The following PARD3B variants were observed in gnomAD, a reference collection of about 807,000 sequenced individuals.
PARD3B encodes the protein partitioning defective 3 homolog B.
PARD3B carries 103 observed loss-of-function variants against 130.2 expected under a neutral mutation model. The ratio of observed to expected loss-of-function variants is 0.79; its 90% confidence interval spans 0.67 to 0.93. The LOEUF is 0.93. Among genes scored for constraint, PARD3B ranks in the 40% least tolerant of loss-of-function variants. The probability of loss-of-function intolerance (pLI) is 0.00; values close to 1 mark genes in which losing one functional copy is unlikely to be tolerated. For missense variants in PARD3B, 1,609 were observed against 1,499.2 expected (o/e 1.07, Z -1.21); for synonymous variants, 583 against 553.2 (o/e 1.05, Z -0.76).
chr2:205,062,654 A>G, intron 4 of PARD3B, among the ~76,000 whole-genome samples: 1 of 152,322 alleles, frequency 6.6e-6, no homozygotes, highest in Non-Finnish European at 1.5e-5. Context: ...GAAAGAATGC[A>G]TAAAAGAAGT....
chr2:205,104,595 T>C, intron 5 of PARD3B, 81 bp downstream of exon 5: 2 of 981,718 alleles, frequency 2.0e-6, no homozygotes, highest in South Asian at 1.5e-5. Context: ...GTTCTTACTT[T>C]ACAAGAAAGA....
At chr2:205,239,249 G>T (rs2039243236) in intron 15 of PARD3B, among the ~76,000 whole-genome samples, 1 of 151,870 alleles carries the variant, frequency 6.6e-6, no homozygotes, top group Admixed American at 6.6e-5. Context: ...CAGGAGTAAA[G>T]GTGTTCTAGG....
At chr2:205,586,893 G>T (rs16837446) in intron 22 of PARD3B, among the ~76,000 whole-genome samples, 1 of 152,108 alleles carries the variant, frequency 6.6e-6, no homozygotes, top group East Asian at 1.9e-4. Context: ...AGTTGTAAAC[G>T]TTGATACCAA....
chr2:205,319,509 G>A (rs2042676476), intron 18 of PARD3B, among the ~76,000 whole-genome samples: 1 of 152,104 alleles, frequency 6.6e-6, no homozygotes, highest in South Asian at 2.1e-4. Context: ...TACTGCTATG[G>A]TCTGTGTAGC....
rs1176146523 is a variant in PARD3B, at chr2:205,291,492, G to A, written c.2186-9038G>A. Among the ~76,000 whole-genome samples the A allele has an allele frequency of 6.6e-6, 1 of 152,224 alleles. No individual in the cohort carries two copies. Among genetic ancestry groups the A allele is most frequent in the Non-Finnish European group, 1.5e-5 (1 of 68,040 alleles). ...TAAAGTAGCAAAGAACTTTGCTGAA[G>A]TGTGTTGTTCTGGTGTATTATGGAA... On this transcript the variant is annotated intron_variant, in intron 16 of 22. Coordinates refer to ENST00000406610, the MANE Select transcript of PARD3B (RefSeq NM_001302769.2). The surrounding 1 kb of genome is among the most constrained non-coding windows in gnomAD (Gnocchi z 4.6).
rs1696646676 is a variant in PARD3B at position 205,021,996 on chromosome 2, T to C, written c.395-25585T>C. Among the ~76,000 whole-genome samples the C allele has an allele frequency of 6.6e-6, 1 of 152,222 alleles. No homozygotes were observed. The highest frequency in any genetic ancestry group is 2.1e-4 in the South Asian group (1 of 4,834). ...CTCCAAAATATCAAAAGCTACCTTT[T>C]TCAAACAAATTCAGTTTTTTATTAC... On this transcript the variant is annotated intron_variant, in intron 3 of 22. Transcript: ENST00000406610. This position sits in a 1 kb window ranked among gnomAD's most constrained non-coding sequence, Gnocchi z 4.5.
At chr2:205,002,126 T>G (rs539521366) in intron 3 of PARD3B, among the ~76,000 whole-genome samples, 1 of 152,342 alleles carries the variant, frequency 6.6e-6, no homozygotes, top group East Asian at 1.9e-4. Context: ...CCCTTAAAGC[T>G]TGTCAATAGT....
intron 5 of PARD3B, among the ~76,000 whole-genome samples, chr2:205,107,672 A>T (rs1195004129): frequency 6.6e-6 from 1 of 152,240 alleles, no homozygotes; most frequent in African/African-American, 2.4e-5. Context: ...AATGGATAAA[A>T]CACATTGCTC....
At chr2:204,727,606 G>A (rs979935703) in intron 2 of PARD3B, among the ~76,000 whole-genome samples, 14 of 152,142 alleles carry the variant, frequency 9.2e-5, no homozygotes, top group Admixed American at 3.3e-4. Flanking sequence ...GTAGCTTCCT[G>A]CCAGAAGCCA....
intron 18 of PARD3B, among the ~76,000 whole-genome samples, chr2:205,372,442 C>T (rs1170228152): frequency 6.6e-6 from 1 of 152,044 alleles, no homozygotes; most frequent in Non-Finnish European, 1.5e-5. Context: ...TGAATTTTTT[C>T]TCTTGTGCTC....
At chr2:204,970,245 A>C (rs1313492020) in intron 3 of PARD3B, among the ~76,000 whole-genome samples, 2 of 152,144 alleles carry the variant, frequency 1.3e-5, no homozygotes, top group Admixed American at 6.5e-5. Context: ...TTGTCCCTTG[A>C]GAGTCAGTGA....
rs1422767167 is a variant in PARD3B, at chr2:204,549,899, A to T, written c.120+3780A>T. Among the ~76,000 whole-genome samples, 3 of 148,346 alleles carry T rather than the reference A, an allele frequency of 2.0e-5. No individual in the cohort carries two copies. In the South Asian group the frequency reaches 6.6e-4, roughly 33 times the overall value. On this transcript the variant is annotated intron_variant, in intron 1 of 22. Coordinates refer to ENST00000406610, the MANE Select transcript of PARD3B (RefSeq NM_001302769.2). Reference sequence around the variant, plus strand: ...TATTACACATTGTTTTTCAAAATGAATTTTGACATTTCTGGCCTTTTCTCA... The same window carrying T: ...TATTACACATTGTTTTTCAAAATGATTTTTGACATTTCTGGCCTTTTCTCA...
intron 18 of PARD3B, among the ~76,000 whole-genome samples, chr2:205,358,805 C>T (rs1471360833): frequency 2.0e-5 from 3 of 152,090 alleles, no homozygotes; most frequent in African/African-American, 7.2e-5. Flanking sequence ...CATTTTAACT[C>T]ATCTGTATAG....
chr2:205,517,117 A>G (rs1017194651), intron 21 of PARD3B, among the ~76,000 whole-genome samples: 2 of 152,156 alleles, frequency 1.3e-5, no homozygotes, highest in Non-Finnish European at 2.9e-5. Flanking sequence ...GATGAAGCCT[A>G]CTTGATAATG....
At chr2:205,520,714 T>G (rs1384960375) in intron 21 of PARD3B, among the ~76,000 whole-genome samples, 1 of 152,136 alleles carries the variant, frequency 6.6e-6, no homozygotes, top group Non-Finnish European at 1.5e-5. Context: ...GCATAACATG[T>G]AGTAATTAAA....
At chr2:204,662,218 C>G (rs1402119747) in intron 1 of PARD3B, among the ~76,000 whole-genome samples, 1 of 152,126 alleles carries the variant, frequency 6.6e-6, no homozygotes, top group African/African-American at 2.4e-5. Context: ...TATTTGTTAT[C>G]AAAATCATTG....
At chr2:205,095,569 A>G (rs1702346504) in intron 4 of PARD3B, among the ~76,000 whole-genome samples, 1 of 152,136 alleles carries the variant, frequency 6.6e-6, no homozygotes, top group African/African-American at 2.4e-5. Context: ...TGCCATCAGT[A>G]GTTATTTTCA....
chr2:204,970,341 T>A (rs1260587737), intron 3 of PARD3B, among the ~76,000 whole-genome samples: 2 of 152,174 alleles, frequency 1.3e-5, no homozygotes, highest in Non-Finnish European at 1.5e-5. Flanking sequence ...CAGAACCAAC[T>A]TTTTCCAAAC....
chr2:204,986,948 C>G (rs899816839), intron 3 of PARD3B, among the ~76,000 whole-genome samples: 1 of 152,060 alleles, frequency 6.6e-6, no homozygotes, highest in Admixed American at 6.6e-5. Flanking sequence ...TTTTCATTAC[C>G]AGGAGAAAAT....
Sources: gnomAD v4.1 joint callset for allele counts (sites outside exome capture counted in the v4.1 genomes callset) on GRCh38, gnomAD v4.1.1 for gene constraint, Gnocchi (gnomAD v3.1) non-coding constraint, MANE v1.5 for transcripts, NCBI Gene and HGNC (gene_info 2026-07-23, HGNC 2026-07-21) for gene names.